The following ARHGAP11A variants were observed in gnomAD, a reference collection of about 807,000 sequenced individuals.
ARHGAP11A encodes rho GTPase-activating protein 11A.
ARHGAP11A carries 36 observed loss-of-function variants against 60.5 expected under a neutral mutation model. The observed-to-expected ratio is 0.59, with a 90% CI of 0.46 to 0.79. The LOEUF is 0.79. ARHGAP11A is among the 30% of genes least tolerant of loss of function. ARHGAP11A has a pLI of 0.00. For synonymous variants in ARHGAP11A, 362 were observed against 415.5 expected (o/e 0.87, Z 1.57); for missense variants, 1,071 against 1,199.2 (o/e 0.89, Z 1.58).
In ARHGAP11A at chr15:32,633,986, A is replaced by G. The variant is rs2053645997; in HGVS notation, c.1289A>G (p.Lys430Arg). Residue 430 changes from lysine to arginine, a missense_variant, in exon 10 of 12, where the codon AAG becomes AGG. Lys to Arg is a conservative substitution (Grantham distance 26). Coordinates refer to ENST00000361627, the MANE Select transcript of ARHGAP11A (RefSeq NM_014783.6). ...TCTCCTAAAATCAGCCATAAAGAAAAGGTTCGAAGATCTCTGCGTTTGAAA... is the reference window on the plus strand; with the variant it reads ...TCTCCTAAAATCAGCCATAAAGAAAGGGTTCGAAGATCTCTGCGTTTGAAA... The part of the protein sequence containing the change: ...CFSPKISHKE[K>R]VRRSLRLKFN... The G allele has an allele frequency of 6.2e-7, 1 of 1,607,966 alleles. No individual in the cohort carries two copies. Among genetic ancestry groups the G allele is most frequent in the Admixed American group, 1.7e-5 (1 of 58,770 alleles).
At chr15:32,619,717 C>T (rs1595758953) in intron 1 of ARHGAP11A, among the ~76,000 whole-genome samples, 1 of 151,502 alleles carries the variant, frequency 6.6e-6, no homozygotes, top group African/African-American at 2.4e-5. Context: ...AAGAAAGTAT[C>T]TAGTAAGTAT....
At chr15:32,630,457 G>C (rs1046675875) in intron 8 of ARHGAP11A, among the ~76,000 whole-genome samples, 1 of 139,182 alleles carries the variant, frequency 7.2e-6, no homozygotes, top group Non-Finnish European at 1.5e-5. Flanking sequence ...ATTCAAGTTG[G>C]CTCATATTAA....
At chr15:32,618,883 G>A (rs898574602) in intron 1 of ARHGAP11A, among the ~76,000 whole-genome samples, 1 of 151,954 alleles carries the variant, frequency 6.6e-6, no homozygotes, top group African/African-American at 2.4e-5. Context: ...CCCGGGAGGC[G>A]GAGCTTGCAG....
chr15:32,636,727 G>A lies in ARHGAP11A; in HGVS notation c.1954G>A (p.Val652Ile). The change falls in exon 12 of 12, where the codon GTA (valine) becomes ATA (isoleucine). Residue 652 changes from valine to isoleucine, a missense_variant. By Grantham distance (29) the Val-to-Ile change is conservative (BLOSUM62 3). Coordinates refer to ENST00000361627, the MANE Select transcript of ARHGAP11A (RefSeq NM_014783.6). The stretch of plus-strand genomic sequence containing the variant: ...ATTTGAAACTAATGATTTGACTATA[G>A]TAGAATCAAAGGAGAAATATGAACA... Reference protein sequence around the residue: ...NLFETNDLTIVESKEKYEHHT... With the variant: ...NLFETNDLTIIESKEKYEHHT... The A allele has an allele frequency of 6.2e-7, 1 of 1,613,842 alleles. No individual in the cohort carries two copies. The highest frequency in any genetic ancestry group is 8.5e-7 in the Non-Finnish European group (1 of 1,179,942).
chr15:32,638,025 T>G lies in ARHGAP11A; in HGVS notation c.*180T>G. ...TTAGATTTTTATTTGTACAAATTACTTCTTTGTTTTTCTTAATGATGGCAA... is the reference window on the plus strand; with the variant it reads ...TTAGATTTTTATTTGTACAAATTACGTCTTTGTTTTTCTTAATGATGGCAA... On this transcript the variant is annotated 3_prime_UTR_variant, in exon 12 of 12. Transcript: ENST00000361627. 2 of 580,070 alleles carry G rather than the reference T, an allele frequency of 3.4e-6. No individual in the cohort carries two copies. The highest frequency in any genetic ancestry group is 5.8e-6 in the Non-Finnish European group (2 of 346,142). The allele number at this position is 580,070 out of a possible 1,614,324, so 35.9% of individuals were successfully genotyped here. A position where few individuals can be genotyped will look rare whatever the true frequency, so the allele number is the denominator to read the frequency against.
chr15:32,623,280 C>T lies in ARHGAP11A; in HGVS notation c.201-212C>T, dbSNP rs201550514. ...TGAGAAAGATAAAATTTAGTGTGCA[C>T]ATTGGAGTTGTTAGAAGTAAAAAGA... On this transcript the variant is annotated intron_variant, in intron 2 of 11. Coordinates refer to ENST00000361627, the MANE Select transcript of ARHGAP11A (RefSeq NM_014783.6). Among the ~76,000 whole-genome samples the T allele has an allele frequency of 4.6e-5, 7 of 152,206 alleles. 2 individuals carry two copies. The highest frequency in any genetic ancestry group is 1.4e-4 in the African/African-American group (6 of 41,530).
chr15:32,616,162 C>G lies in ARHGAP11A; in HGVS notation c.-50C>G, dbSNP rs1285335712. On this transcript the variant is annotated 5_prime_UTR_variant, in exon 1 of 12. Transcript: ENST00000361627. ...GGAAATTGGAAGACTTGGTGGCGAA[C>G]GAGGGTCAGGACCTGCATCCTGCCT... The G allele has an allele frequency of 6.4e-7, 1 of 1,570,810 alleles. No homozygotes were observed. The highest frequency in any genetic ancestry group is 8.6e-7 in the Non-Finnish European group (1 of 1,157,918).
rs765361891 is a variant in ARHGAP11A at position 32,637,486 on chromosome 15, T to G, written c.2713T>G (p.Ser905Ala). The G allele has an allele frequency of 1.5e-5, 25 of 1,613,888 alleles. No individual in the cohort carries two copies. The Admixed American group carries it at 1.7e-4, about 11-fold the overall frequency. The change falls in exon 12 of 12, where the codon TCC (serine) becomes GCC (alanine). Residue 905 changes from serine (S) to alanine (A), a missense_variant. By Grantham distance (99) the Ser-to-Ala change is moderately conservative. Around this residue, in one of 4 missense-constraint regions of ARHGAP11A, gnomAD observed 776 missense variants for 760.2 expected, o/e 1.02. Coordinates refer to ENST00000361627, the MANE Select transcript of ARHGAP11A (RefSeq NM_014783.6). ...CIKSGPKEQK[S>A]MSCEESNIGA... is the part of the protein sequence containing the mutation. Reference sequence around the variant, plus strand: ...CAAATCAGGTCCTAAAGAACAGAAGTCCATGTCATGTGAAGAGTCAAATAT... The same window carrying G: ...CAAATCAGGTCCTAAAGAACAGAAGGCCATGTCATGTGAAGAGTCAAATAT...
intron 1 of ARHGAP11A, among the ~76,000 whole-genome samples, chr15:32,617,219 TAAAA>T (rs1191259887): frequency 1.3e-5 from 2 of 152,098 alleles, no homozygotes; most frequent in Non-Finnish European, 1.5e-5. Flanking sequence ...TATGGTTTCT[TAAAA>T]AAAGTGCTTG....
In ARHGAP11A at chr15:32,636,769, G is replaced by A. The variant is rs754269816; in HGVS notation, c.1996G>A (p.Glu666Lys). 4 of 1,611,394 alleles carry A rather than the reference G, an allele frequency of 2.5e-6. No homozygotes were observed. Among genetic ancestry groups the A allele is most frequent in the Non-Finnish European group, 3.4e-6 (4 of 1,179,432 alleles). ...EKYEHHTGKG[E>K]KCFSERDFSP... is the part of the protein sequence containing the mutation. ...ATATGAACACCACACTGGTAAAGGT[G>A]AAAAATGTTTTTCAGAGAGGGACTT... Residue 666 changes from glutamate to lysine, a missense_variant, in exon 12 of 12, where the codon GAA becomes AAA. This residue lies in a region of ARHGAP11A where 776 missense variants were observed against 760.2 expected (regional missense o/e 1.02). Coordinates refer to ENST00000361627, the MANE Select transcript of ARHGAP11A (RefSeq NM_014783.6).
At position 32,637,325 on chromosome 15, in the gene ARHGAP11A, A is replaced by G. The variant is rs1404256704; in HGVS notation, c.2552A>G (p.Tyr851Cys). 3 of 1,614,104 alleles carry G rather than the reference A, an allele frequency of 1.9e-6. No individual in the cohort carries two copies. The highest frequency in any genetic ancestry group is 2.5e-6 in the Non-Finnish European group (3 of 1,180,028). The stretch of plus-strand genomic sequence containing the variant: ...AGAAGAATTAATTCTTTGTTGGAGT[A>G]TAGCAGACAACCTACAGGGCATAAG... ...SVRRINSLLE[Y>C]SRQPTGHKLA... Residue 851 changes from tyrosine to cysteine, a missense_variant, in exon 12 of 12, where the codon TAT (tyrosine) becomes TGT (cysteine). By Grantham distance (194) the Tyr-to-Cys change is radical. Around this residue, in one of 4 missense-constraint regions of ARHGAP11A, gnomAD observed 776 missense variants for 760.2 expected, o/e 1.02. Transcript: ENST00000361627.
intron 8 of ARHGAP11A, among the ~76,000 whole-genome samples, chr15:32,631,139 C>T (rs2053573880): frequency 6.6e-6 from 1 of 152,156 alleles, no homozygotes; most frequent in African/African-American, 2.4e-5. Context: ...CACCACTTTT[C>T]TTTGACCCTA....
intron 9 of ARHGAP11A, among the ~76,000 whole-genome samples, chr15:32,633,492 A>G (rs2053632303): frequency 6.6e-6 from 1 of 152,104 alleles, no homozygotes; most frequent in African/African-American, 2.4e-5. Context: ...AAGTACAAAA[A>G]TTAGCCAGGC....
At chr15:32,618,663 C>T (rs143919076) in intron 1 of ARHGAP11A, among the ~76,000 whole-genome samples, 13 of 151,922 alleles carry the variant, frequency 8.6e-5, no homozygotes, top group African/African-American at 2.9e-4. Context: ...TTTGTGTGTG[C>T]GATGGCTCAC....
At position 32,637,731 on chromosome 15, in the gene ARHGAP11A, T is replaced by C; in HGVS notation, c.2958T>C (p.Asn986=). Residue 986 remains asparagine (N), a synonymous_variant, in exon 12 of 12, where the codon AAT becomes AAC. Coordinates refer to ENST00000361627, the MANE Select transcript of ARHGAP11A (RefSeq NM_014783.6). ...NNNMGISSGI[N]NRVLRRPSER... ...ACATGGGCATTTCTTCTGGGATAAA[T>C]AACAGGGTCCTTAGGAGACCATCAG... The C allele has an allele frequency of 6.2e-7, 1 of 1,614,136 alleles. No individual in the cohort carries two copies. Among genetic ancestry groups the C allele is most frequent in the Non-Finnish European group, 8.5e-7 (1 of 1,180,008 alleles).
intron 6 of ARHGAP11A, among the ~76,000 whole-genome samples, chr15:32,626,964 G>C (rs909300490): frequency 6.6e-6 from 1 of 152,042 alleles, no homozygotes; most frequent in African/African-American, 2.4e-5. Flanking sequence ...AGGAACTGGG[G>C]GTTAGGACTT....
At chr15:32,621,172 A>C (rs1449111024) in intron 2 of ARHGAP11A, among the ~76,000 whole-genome samples, 1 of 132,386 alleles carries the variant, frequency 7.6e-6, no homozygotes, top group Non-Finnish European at 1.6e-5. Flanking sequence ...ATTTATAAAT[A>C]ACCTTTTATT....
rs780644093 is a variant in ARHGAP11A at position 32,637,350 on chromosome 15, G to C, written c.2577G>C (p.Lys859Asn). Residue 859 changes from lysine (K) to asparagine (N), a missense_variant, in exon 12 of 12, where the codon AAG becomes AAC. Lys to Asn is a moderately conservative substitution (Grantham distance 94). This residue lies in a region of ARHGAP11A where 776 missense variants were observed against 760.2 expected (regional missense o/e 1.02). Transcript: ENST00000361627. ...LEYSRQPTGH[K>N]LASLGDTASP... ...ATAGCAGACAACCTACAGGGCATAAGTTGGCGAGTCTTGGTGATACAGCTT... is the reference window on the plus strand; with the variant it reads ...ATAGCAGACAACCTACAGGGCATAACTTGGCGAGTCTTGGTGATACAGCTT... 8 of 1,614,212 alleles carry C rather than the reference G, an allele frequency of 5.0e-6. No homozygotes were observed. The highest frequency in any genetic ancestry group is 5.1e-6 in the Non-Finnish European group (6 of 1,180,028).
chr15:32,630,838 T>C (rs2053568217), intron 8 of ARHGAP11A, among the ~76,000 whole-genome samples: 1 of 152,172 alleles, frequency 6.6e-6, no homozygotes, highest in Non-Finnish European at 1.5e-5. Context: ...GGTTGGAGAC[T>C]TAAACTTTTT....
Sources: allele counts gnomAD v4.1 joint callset (sites outside exome capture counted in the v4.1 genomes callset), GRCh38; gene constraint gnomAD v4.1.1; regional missense constraint gnomAD v4.1.1; transcripts MANE v1.5; gene names NCBI Gene and HGNC (gene_info 2026-07-23, HGNC 2026-07-21).